Variants in PSMA8 observed in about 807,000 individuals in gnomAD.
The protein encoded by PSMA8 is proteasome subunit alpha-type 8.
A neutral mutation model predicts 32.4 loss-of-function variants in PSMA8; 18 were observed. The observed-to-expected ratio is 0.56, with a 90% CI of 0.38 to 0.82. The LOEUF (loss-of-function observed/expected upper bound fraction) is 0.82, where lower values mean the gene tolerates loss of function less well. PSMA8 is among the 40% of genes least tolerant of loss of function. PSMA8 has a pLI of 0.00. For missense variants in PSMA8, 298 were observed against 300.7 expected (o/e 0.99, Z 0.07); for synonymous variants, 104 against 98.1 (o/e 1.06, Z -0.36).
In PSMA8 at chr18:26,183,497, T is replaced by C. The variant is rs1211772329; in HGVS notation, c.660+4367T>C. Among the ~76,000 whole-genome samples, 5 of 150,712 alleles carry C rather than the reference T, an allele frequency of 3.3e-5. 1 individual carries two copies. The highest frequency in any genetic ancestry group is 1.2e-4 in the African/African-American group (5 of 40,786). On this transcript the variant is annotated intron_variant, in intron 6 of 6. Coordinates refer to ENST00000415576, the MANE Select transcript of PSMA8 (RefSeq NM_001025096.2). Reference sequence around the variant, plus strand: ...GACTTTCAGGAGTTCAAGACTTTAGTGGAGGAAGTCACTGCAGATGTGGTA... The same window carrying C: ...GACTTTCAGGAGTTCAAGACTTTAGCGGAGGAAGTCACTGCAGATGTGGTA...
chr18:26,188,074 T>C (rs1418849932), intron 6 of PSMA8, among the ~76,000 whole-genome samples: 1 of 151,758 alleles, frequency 6.6e-6, no homozygotes, highest in Non-Finnish European at 1.5e-5. Context: ...ATTGAAATAA[T>C]ATCAAGCATC....
intron 3 of PSMA8, among the ~76,000 whole-genome samples, chr18:26,156,112 C>T (rs947709118): frequency 3.3e-5 from 5 of 152,198 alleles, no homozygotes; most frequent in African/African-American, 7.2e-5. Context: ...GATGTCATCT[C>T]ACCTCAGAAT....
intron 3 of PSMA8, among the ~76,000 whole-genome samples, chr18:26,157,021 G>A (rs2055095439): frequency 6.6e-6 from 1 of 151,106 alleles, no homozygotes; most frequent in Non-Finnish European, 1.5e-5. Context: ...CTGGGCTCAA[G>A]CGATCTGCCT....
chr18:26,164,090 T>A (rs922202672), intron 4 of PSMA8, among the ~76,000 whole-genome samples: 24 of 152,158 alleles, frequency 1.6e-4, no homozygotes, highest in Admixed American at 5.2e-4. Flanking sequence ...AATGTGCAGG[T>A]CATTGGTGAC....
chr18:26,169,596 T>C (rs1288049839), intron 4 of PSMA8, among the ~76,000 whole-genome samples: 2 of 129,516 alleles, frequency 1.5e-5, no homozygotes, highest in East Asian at 4.4e-4. Flanking sequence ...TCCCAGCACT[T>C]TGGGAGGCTG....
chr18:26,145,995 C>T (rs556533113), intron 2 of PSMA8, among the ~76,000 whole-genome samples: 1 of 152,232 alleles, frequency 6.6e-6, no homozygotes, highest in Admixed American at 6.5e-5. Context: ...TTCATTTGCT[C>T]TGTGTTATCA....
intron 6 of PSMA8, among the ~76,000 whole-genome samples, chr18:26,190,009 A>G (rs1419558445): frequency 6.6e-6 from 1 of 152,236 alleles, no homozygotes; most frequent in African/African-American, 2.4e-5. Flanking sequence ...CATGGATGGA[A>G]CTGGAGATCA....
chr18:26,148,434 T>C (rs2055020468), intron 2 of PSMA8, among the ~76,000 whole-genome samples: 1 of 151,876 alleles, frequency 6.6e-6, no homozygotes, highest in Non-Finnish European at 1.5e-5. Flanking sequence ...ATATAAATTA[T>C]ATAGAAAATG....
At chr18:26,178,265 G>A (rs2055279520) in intron 4 of PSMA8, among the ~76,000 whole-genome samples, 1 of 151,860 alleles carries the variant, frequency 6.6e-6, no homozygotes, top group Non-Finnish European at 1.5e-5. Context: ...GGATTTGGGA[G>A]ACATTATATT....
intron 4 of PSMA8, among the ~76,000 whole-genome samples, chr18:26,158,941 C>CCAGCCCAGGTGA (rs1215381546): frequency 6.6e-6 from 1 of 152,060 alleles, no homozygotes; most frequent in Non-Finnish European, 1.5e-5. Context: ...TCTCTGCACT[C>CCAGCCCAGGTGA]CAGCCCAGGT....
At chr18:26,180,695 GACACACACACACACACACAC>G (rs45627236) in intron 6 of PSMA8, among the ~76,000 whole-genome samples, 1 of 143,356 alleles carries the variant, frequency 7.0e-6, no homozygotes, top group Admixed American at 7.1e-5. Flanking sequence ...TATAAAAATA[GACACACACACACACACACAC>G]ACACACACAC....
rs1215708334 is a variant in PSMA8 at position 26,171,143 on chromosome 18, C to G, written c.478-7687C>G. On this transcript the variant is annotated intron_variant, in intron 4 of 6. Transcript: ENST00000415576. ...TCTTCTTACCCATAATCACCAGATTCTGTTTACCTTCTACTGAAGAGGTTG... is the reference window on the plus strand; with the variant it reads ...TCTTCTTACCCATAATCACCAGATTGTGTTTACCTTCTACTGAAGAGGTTG... 2.6e-6 allele frequency: 4 copies of G among 1,559,264 alleles called. 1 individual carries two copies. The highest frequency in any genetic ancestry group is 4.6e-5 in the African/African-American group (2 of 43,430).
At chr18:26,139,842 G>A (rs931568776) in intron 1 of PSMA8, among the ~76,000 whole-genome samples, 48 of 152,234 alleles carry the variant, frequency 3.2e-4, no homozygotes, top group African/African-American at 1.1e-3. Flanking sequence ...AAAGTGGAAT[G>A]GTCTTAAAAT....
chr18:26,166,186 C>T (rs8095871), intron 4 of PSMA8, among the ~76,000 whole-genome samples: 39,152 of 152,010 alleles, frequency 0.26, 8,937 homozygotes, highest in African/African-American at 0.61. Flanking sequence ...CCTTATTGTG[C>T]ATGGGTTGCT....
At chr18:26,191,175 A>T (rs1233827862) in intron 6 of PSMA8, among the ~76,000 whole-genome samples, 1 of 152,196 alleles carries the variant, frequency 6.6e-6, no homozygotes, top group African/African-American at 2.4e-5. Context: ...CTAGTGATGG[A>T]CTAATAGCTA....
chr18:26,135,935 G>A (rs1568051410), intron 1 of PSMA8, among the ~76,000 whole-genome samples: 1 of 152,160 alleles, frequency 6.6e-6, no homozygotes, highest in Non-Finnish European at 1.5e-5. Context: ...GTTTCCTTGA[G>A]GGTGCTGTGA....
chr18:26,166,655 A>C (rs2055182686), intron 4 of PSMA8, among the ~76,000 whole-genome samples: 1 of 152,212 alleles, frequency 6.6e-6, no homozygotes, highest in Admixed American at 6.5e-5. Context: ...TGCAAGCTAA[A>C]ACAGCCCATC....
chr18:26,163,211 GTGTATATATATA>G (rs2055149234), intron 4 of PSMA8, among the ~76,000 whole-genome samples: 1 of 94,636 alleles, frequency 1.1e-5, no homozygotes, highest in African/African-American at 6.4e-5. Flanking sequence ...TTATGTGTGT[GTGTATATATATA>G]TATATATATA....
At chr18:26,176,111 C>T (rs2144339461) in intron 4 of PSMA8, among the ~76,000 whole-genome samples, 1 of 147,926 alleles carries the variant, frequency 6.8e-6, no homozygotes, top group African/African-American at 2.5e-5. Flanking sequence ...TTGAAGTGGA[C>T]TGGGGTGGGT....
Sources: gnomAD v4.1 joint callset for allele counts (sites outside exome capture counted in the v4.1 genomes callset) on GRCh38, gnomAD v4.1.1 for gene constraint, MANE v1.5 for transcripts, NCBI Gene and HGNC (gene_info 2026-07-23, HGNC 2026-07-21) for gene names.